Variants in ARMCX4 observed in about 807,000 individuals in gnomAD.
ARMCX4 encodes armadillo repeat containing X-linked 4.
In ARMCX4, 3 loss-of-function variants were observed where a neutral mutation model predicts 34.7. The observed-to-expected ratio is 0.09, with a 90% CI of 0.04 to 0.22. The LOEUF is 0.22. Among genes scored for constraint, ARMCX4 ranks in the 10% least tolerant of loss-of-function variants. The pLI is 1.00. For synonymous variants in ARMCX4, 513 were observed against 632.8 expected, an observed-to-expected ratio of 0.81 and a Z score of 2.84; for missense variants, 1,448 against 1,720.8, an observed-to-expected ratio of 0.84 and a Z score of 2.81.
chrX:101,429,847 A>G (rs954626403), intron 2 of ARMCX4, among the ~76,000 whole-genome samples: 2 of 111,612 alleles, frequency 1.8e-5, no homozygotes, highest in Admixed American at 9.6e-5. Flanking sequence ...TATACTTGCA[A>G]TATGACTTTT....
intron 4 of ARMCX4, among the ~76,000 whole-genome samples, chrX:101,474,999 AG>A (rs1352492828): frequency 1.9e-5 from 2 of 107,520 alleles, no homozygotes; most frequent in African/African-American, 6.8e-5. Context: ...AAAAAAAAAA[AG>A]AAAAAGAAAT....
At position 101,421,991 on chromosome X, in the gene ARMCX4, G is replaced by GTTGTTGTTA. The variant is rs781995478; in HGVS notation, n.164+2993_164+2994insGTTGTTATT. 4.1e-5 allele frequency among the ~76,000 whole-genome samples: 4 copies of GTTGTTGTTA among 96,390 alleles called. No individual in the cohort carries two copies. The South Asian group carries it at 1.4e-3, about 34-fold the overall frequency. The allele number at this position is 96,390 out of a possible 115,157, so 83.7% of individuals were successfully genotyped here. On this transcript the variant is annotated intron_variant and non_coding_transcript_variant, in intron 2 of 3. Transcript: ENST00000430461. ...GTCTCCCAGAGCATTTGGGGGATCAGTTATTATTATTATTATTATTATTAT... is the reference window on the plus strand; with the variant it reads ...GTCTCCCAGAGCATTTGGGGGATCAGTTGTTGTTATTATTATTATTATTATTATTATTAT...
At chrX:101,511,843 A>C (rs1569345063) in intron 11 of ARMCX4, among the ~76,000 whole-genome samples, 2 of 111,230 alleles carry the variant, frequency 1.8e-5, no homozygotes, top group Non-Finnish European at 3.8e-5. Flanking sequence ...AGTGCTCAGG[A>C]GGCTGAGCGA....
chrX:101,530,514 G>C (rs1935103877), intron 11 of ARMCX4, among the ~76,000 whole-genome samples: 1 of 110,926 alleles, frequency 9.0e-6, no homozygotes, highest in Non-Finnish European at 1.9e-5. Context: ...TAAAAAAGTG[G>C]TATATAAAAA....
In ARMCX4 at chrX:101,492,917, A is replaced by G. The variant is rs994681684; in HGVS notation, c.4328A>G (p.Asp1443Gly). 1.7e-6 allele frequency: 2 copies of G among 1,155,299 alleles called. No individual in the cohort carries two copies. The highest frequency in any genetic ancestry group is 2.6e-5 in the Admixed American group (1 of 38,745). Residue 1443 changes from aspartate (D) to glycine (G), a missense_variant, in exon 6 of 6, where the codon GAC (aspartate) becomes GGC (glycine). This residue lies in a region of ARMCX4 where 1,343 missense variants were observed against 1,540.7 expected (regional missense o/e 0.87). Transcript: ENST00000423738. ...ISGGFLVGIV[D>G]QANGGSWTGA... is the part of the protein sequence containing the mutation. ...GGAGGATTCTTAGTTGGGATTGTGG[A>G]CCAGGCCAATGGAGGGTCCTGGACT...
At chrX:101,529,016 G>T (rs782552174) in intron 11 of ARMCX4, among the ~76,000 whole-genome samples, 1 of 111,251 alleles carries the variant, frequency 9.0e-6, no homozygotes, top group East Asian at 2.8e-4. Context: ...AAAAGAGCCC[G>T]TATTGCCAAG....
intron 2 of ARMCX4, among the ~76,000 whole-genome samples, chrX:101,434,657 T>A: frequency 9.0e-6 from 1 of 110,794 alleles, no homozygotes; most frequent in Non-Finnish European, 1.9e-5. Context: ...TTTATTATAC[T>A]TTAAGTTTTA....
intron 12 of ARMCX4, chrX:101,533,004 A>G (rs1174383026): frequency 4.6e-5 from 5 of 109,684 alleles, no homozygotes; most frequent in African/African-American, 1.7e-4. Flanking sequence ...CATGGTGGTT[A>G]GTCTTTATTT....
intron 12 of ARMCX4, chrX:101,532,668 T>C (rs1321517015): frequency 8.1e-5 from 9 of 110,884 alleles, no homozygotes; most frequent in African/African-American, 2.6e-4. Flanking sequence ...ATCAGGGAAA[T>C]AATTTTGACC....
rs1286959726 is a variant in ARMCX4, at chrX:101,495,098, G to A, written c.6509G>A (p.Arg2170His). The change falls in exon 6 of 6, where the codon CGT becomes CAT. Residue 2170 changes from arginine (R) to histidine (H), a missense_variant. Transcript: ENST00000423738. ...MVTNYISEFL[R>H]LLTVGSGETK... ...ACAAATTATATTTCAGAATTTCTTC[G>A]TTTGTTAACGGTGGGAAGTGGAGAA... 6.1e-6 allele frequency: 7 copies of A among 1,153,030 alleles called. No homozygotes were observed. The highest frequency in any genetic ancestry group is 6.9e-6 in the Non-Finnish European group (6 of 871,397).
Position 101,492,250 on chromosome X carries a change from G to A in ARMCX4, c.3661G>A (p.Gly1221Arg), listed in dbSNP as rs782557601. The A allele has an allele frequency of 3.5e-6, 4 of 1,140,010 alleles. No homozygotes were observed. Among genetic ancestry groups the A allele is most frequent in the Admixed American group, 2.7e-5 (1 of 37,181 alleles). 93.9% of individuals were successfully genotyped at this position (1,140,010 alleles called of 1,213,427 possible). Reference protein sequence around the residue: ...AWTGAENQASGGSWALAGNQA... With the variant: ...AWTGAENQASRGSWALAGNQA... ...GACTGGGGCTGAGAACCAGGCCAGTGGGGGGTCTTGGGCTCTCGCTGGGAA... is the reference window on the plus strand; with the variant it reads ...GACTGGGGCTGAGAACCAGGCCAGTAGGGGGTCTTGGGCTCTCGCTGGGAA... The change falls in exon 6 of 6, where the codon GGG becomes AGG. Residue 1221 changes from glycine (G) to arginine (R), a missense_variant. This residue lies in a region of ARMCX4 where 1,343 missense variants were observed against 1,540.7 expected (regional missense o/e 0.87). Transcript: ENST00000423738.
downstream of ARMCX4, among the ~76,000 whole-genome samples, chrX:101,535,587 CTTATG>C (rs1258474080): frequency 9.0e-6 from 1 of 111,280 alleles, no homozygotes; most frequent in East Asian, 2.8e-4. Context: ...TGCTTTCAGA[CTTATG>C]TTATTTGAAG....
intron 11 of ARMCX4, among the ~76,000 whole-genome samples, chrX:101,522,374 G>A (rs1465931392): frequency 9.0e-6 from 1 of 111,642 alleles, no homozygotes; most frequent in Middle Eastern, 4.2e-3. Flanking sequence ...ACTTGTTTGT[G>A]TCTTTGAATC....
At chrX:101,421,757 T>A (rs1185458488) in intron 2 of ARMCX4, among the ~76,000 whole-genome samples, 1 of 110,362 alleles carries the variant, frequency 9.1e-6, no homozygotes, top group African/African-American at 3.3e-5. Context: ...ATAATGGCAT[T>A]AATCCCACCT....
rs1378043352 is a variant in ARMCX4 at position 101,488,799 on chromosome X, A to G, written c.210A>G (p.Gln70=). Residue 70 remains glutamine (Q), a synonymous_variant, in exon 6 of 6, where the codon CAA becomes CAG. Transcript: ENST00000423738. ...INEAEIKTKP[Q]VEIGAETGAR... ...AAGCAGAGATTAAGACTAAACCCCAAGTCGAGATTGGAGCAGAAACTGGAG... is the reference window on the plus strand; with the variant it reads ...AAGCAGAGATTAAGACTAAACCCCAGGTCGAGATTGGAGCAGAAACTGGAG... 1 of 1,154,790 alleles carries G rather than the reference A, an allele frequency of 8.7e-7. No homozygotes were observed. The highest frequency in any genetic ancestry group is 1.1e-6 in the Non-Finnish European group (1 of 872,907).
intron 4 of ARMCX4, among the ~76,000 whole-genome samples, chrX:101,471,586 C>T (rs782341324): frequency 3.8e-4 from 43 of 111,911 alleles, no homozygotes; most frequent in African/African-American, 1.3e-3. Flanking sequence ...AGCAGTGGTT[C>T]TCCCAGCACG....
In ARMCX4 at chrX:101,494,526, G is replaced by A. The variant is rs1934131211; in HGVS notation, c.5937G>A (p.Pro1979=). The A allele has an allele frequency of 4.3e-6, 5 of 1,153,649 alleles. No homozygotes were observed. The highest frequency in any genetic ancestry group is 3.8e-5 in the South Asian group (2 of 52,541). The change falls in exon 6 of 6, where the codon CCG becomes CCA. Residue 1979 remains proline (P), a synonymous_variant. Transcript: ENST00000423738. Reference sequence around the variant, plus strand: ...CATCTGAGTCAAGAGGCATATATCCGTACATGGTCCCTGGGGCAGGAATGG... The same window carrying A: ...CATCTGAGTCAAGAGGCATATATCCATACATGGTCCCTGGGGCAGGAATGG... ...KKSSESRGIY[P]YMVPGAGMGS...
intron 2 of ARMCX4, among the ~76,000 whole-genome samples, chrX:101,434,892 G>T (rs1479061301): frequency 7.4e-5 from 8 of 108,255 alleles, no homozygotes; most frequent in Non-Finnish European, 1.5e-4. Context: ...GCGGCGTTTG[G>T]TTTTTTGTCC....
intron 2 of ARMCX4, among the ~76,000 whole-genome samples, chrX:101,433,338 A>AAG (rs1930430339): frequency 2.9e-5 from 3 of 102,096 alleles, no homozygotes; most frequent in Admixed American, 1.0e-4. Flanking sequence ...AAACATATGT[A>AAG]CATATATGTA....
Sources: allele counts gnomAD v4.1 joint callset (sites outside exome capture counted in the v4.1 genomes callset), GRCh38; gene constraint gnomAD v4.1.1; regional missense constraint gnomAD v4.1.1; transcripts MANE v1.5; gene names NCBI Gene and HGNC (gene_info 2026-07-23, HGNC 2026-07-21).